Variants in DEPTOR observed in about 807,000 individuals in gnomAD.
The protein encoded by DEPTOR is DEP domain-containing mTOR-interacting protein.
DEPTOR carries 41 observed loss-of-function variants against 41.6 expected under a neutral mutation model. That is an observed-to-expected ratio of 0.98 (90% CI 0.77 to 1.28). The LOEUF is 1.28. Among genes scored for constraint, DEPTOR ranks in the 50% most tolerant of loss-of-function variants. The pLI, the probability that DEPTOR is intolerant of heterozygous loss-of-function variation, is 0.00. For missense variants in DEPTOR, 514 were observed against 527.9 expected (o/e 0.97, Z 0.26); for synonymous variants, 195 against 192.3 (o/e 1.01, Z -0.12).
intron 3 of DEPTOR, among the ~76,000 whole-genome samples, chr8:119,953,808 T>G (rs1165647966): frequency 6.7e-6 from 1 of 149,700 alleles, no homozygotes; most frequent in African/African-American, 2.4e-5. Context: ...CTTCTTTTTT[T>G]TTTTTTTTTT....
chr8:119,956,925 C>T lies in DEPTOR; in HGVS notation c.426-8307C>T, dbSNP rs778523764. 2.0e-5 allele frequency among the ~76,000 whole-genome samples: 3 copies of T among 151,846 alleles called. 1 individual carries two copies. Among genetic ancestry groups the T allele is most frequent in the Admixed American group, 6.6e-5 (1 of 15,212 alleles). ...AATTTTTTTGTGTTTTTAGTAGAGA[C>T]GGGGTTTCACCCTGTTGGTCAGGCT... On this transcript the variant is annotated intron_variant, in intron 3 of 8. Transcript: ENST00000286234.
intron 1 of DEPTOR, among the ~76,000 whole-genome samples, chr8:119,904,152 C>G (rs1348905116): frequency 1.3e-5 from 2 of 151,356 alleles, no homozygotes; most frequent in East Asian, 3.9e-4. Context: ...GAGTCTAACT[C>G]CGTCTCCCAG....
intron 4 of DEPTOR, among the ~76,000 whole-genome samples, chr8:119,999,811 T>C (rs1051768953): frequency 1.3e-5 from 2 of 152,114 alleles, no homozygotes; most frequent in Non-Finnish European, 2.9e-5. Flanking sequence ...TTGCCAGGCA[T>C]CAGGAATTCA....
intron 3 of DEPTOR, among the ~76,000 whole-genome samples, chr8:119,931,822 C>T (rs1828046808): frequency 6.6e-6 from 1 of 152,032 alleles, no homozygotes; most frequent in Admixed American, 6.6e-5. Context: ...AAAATTCTAG[C>T]AGGTGTTAGG....
chr8:120,026,479 A>AT (rs1225767676), intron 8 of DEPTOR, among the ~76,000 whole-genome samples: 1 of 151,832 alleles, frequency 6.6e-6, no homozygotes, highest in African/African-American at 2.4e-5. Context: ...AGTAGCTGAG[A>AT]TTACAGGTAT....
chr8:119,955,650 G>A (rs573840836), intron 3 of DEPTOR, among the ~76,000 whole-genome samples: 16 of 152,200 alleles, frequency 1.1e-4, no homozygotes, highest in African/African-American at 3.6e-4. Flanking sequence ...ATTTTGGGTA[G>A]AGACGGGGTT....
intron 8 of DEPTOR, among the ~76,000 whole-genome samples, chr8:120,014,364 C>T (rs1043701488): frequency 2.6e-5 from 4 of 152,114 alleles, no homozygotes; most frequent in African/African-American, 9.7e-5. Flanking sequence ...CTTCTATGTA[C>T]CTGACCCTGA....
intron 1 of DEPTOR, among the ~76,000 whole-genome samples, chr8:119,882,011 G>A (rs192463358): frequency 8.9e-4 from 135 of 152,170 alleles, no homozygotes; most frequent in African/African-American, 3.0e-3. Flanking sequence ...CCGCCTCAGC[G>A]TCCTGAGTAG....
At chr8:119,880,960 C>T (rs1157790129) in intron 1 of DEPTOR, among the ~76,000 whole-genome samples, 3 of 152,058 alleles carry the variant, frequency 2.0e-5, no homozygotes, top group Non-Finnish European at 2.9e-5. Flanking sequence ...GCTCCTCTAC[C>T]AAGATGAAGT....
At chr8:120,034,540 C>T (rs531993951) in intron 8 of DEPTOR, among the ~76,000 whole-genome samples, 59 of 143,602 alleles carry the variant, frequency 4.1e-4, no homozygotes, top group Non-Finnish European at 7.2e-4. Context: ...CTCCACCTCC[C>T]GGGTTCAAGC....
chr8:119,913,272 G>T lies in DEPTOR; in HGVS notation c.123-15128G>T, dbSNP rs139100036. Among the ~76,000 whole-genome samples, 424 of 152,296 alleles carry T rather than the reference G, an allele frequency of 2.8e-3. 2 individuals carry two copies. Among genetic ancestry groups the T allele is most frequent in the African/African-American group, 8.7e-3 (363 of 41,566 alleles). Reference sequence around the variant, plus strand: ...TCAAGCTCAAAGTTTGAGGACTGCAGCACCAGGCACTTCCAAGTTGCACTG... The same window carrying T: ...TCAAGCTCAAAGTTTGAGGACTGCATCACCAGGCACTTCCAAGTTGCACTG... On this transcript the variant is annotated intron_variant, in intron 1 of 8. Coordinates refer to ENST00000286234, the MANE Select transcript of DEPTOR (RefSeq NM_022783.4).
chr8:120,027,583 T>C (rs182105714), intron 8 of DEPTOR, among the ~76,000 whole-genome samples: 15 of 151,558 alleles, frequency 9.9e-5, no homozygotes, highest in Admixed American at 6.6e-4. Flanking sequence ...TGCATGCCTG[T>C]AATCCCAGCT....
intron 8 of DEPTOR, among the ~76,000 whole-genome samples, chr8:120,023,226 CTTTCTTTTCT>C (rs917059993): frequency 6.6e-5 from 10 of 151,990 alleles, no homozygotes; most frequent in Middle Eastern, 3.4e-3. Flanking sequence ...ACTTTAATTA[CTTTCTTTTCT>C]TTTCTTTTCT....
intron 8 of DEPTOR, among the ~76,000 whole-genome samples, chr8:120,013,160 GAA>G (rs1210970977): frequency 5.3e-5 from 6 of 113,512 alleles, no homozygotes; most frequent in African/African-American, 1.3e-4. Flanking sequence ...GTCTCAAAAA[GAA>G]AAAAAAAAAA....
intron 8 of DEPTOR, among the ~76,000 whole-genome samples, chr8:120,042,131 C>T (rs2130201262): frequency 6.6e-6 from 1 of 151,602 alleles, no homozygotes; most frequent in Middle Eastern, 3.4e-3. Context: ...TACTTGAACT[C>T]TTGTTACCAC....
chr8:119,912,061 A>G (rs1827752757), intron 1 of DEPTOR, among the ~76,000 whole-genome samples: 1 of 152,228 alleles, frequency 6.6e-6, no homozygotes, highest in African/African-American at 2.4e-5. Flanking sequence ...TATATAGGTA[A>G]ACATGAGCAT....
At chr8:120,008,470 G>A (rs1214681146) in intron 7 of DEPTOR, among the ~76,000 whole-genome samples, 1 of 146,780 alleles carries the variant, frequency 6.8e-6, no homozygotes, top group Non-Finnish European at 1.5e-5. Context: ...TGGGGTTGCA[G>A]TGAGCTGAGA....
rs532993238 is a variant in DEPTOR at position 120,010,570 on chromosome 8, C to A, written c.1101+1437C>A. Among the ~76,000 whole-genome samples, 4 of 150,060 alleles carry A rather than the reference C, an allele frequency of 2.7e-5. No individual in the cohort carries two copies. In the South Asian group the frequency reaches 8.4e-4, roughly 31 times the overall value. Reference sequence around the variant, plus strand: ...GGCAGAGGTTGCAGTGGGCTGAGATCGCACCAATGTACCCCAACCTGGGTG... The same window carrying A: ...GGCAGAGGTTGCAGTGGGCTGAGATAGCACCAATGTACCCCAACCTGGGTG... On this transcript the variant is annotated intron_variant, in intron 8 of 8. Coordinates refer to ENST00000286234, the MANE Select transcript of DEPTOR (RefSeq NM_022783.4).
intron 1 of DEPTOR, among the ~76,000 whole-genome samples, chr8:119,924,690 TTTTG>T (rs769547171): frequency 5.6e-4 from 86 of 152,338 alleles, no homozygotes; most frequent in Non-Finnish European, 8.7e-4. Flanking sequence ...TCATGATTCC[TTTTG>T]TTTGTTTGTT....
Sources: gnomAD v4.1 joint callset for allele counts (sites outside exome capture counted in the v4.1 genomes callset) on GRCh38, gnomAD v4.1.1 for gene constraint, MANE v1.5 for transcripts, NCBI Gene and HGNC (gene_info 2026-07-23, HGNC 2026-07-21) for gene names.